The following EEF2K variants were observed in gnomAD, a reference collection of about 807,000 sequenced individuals.
EEF2K encodes the protein alternative protein EEF2K.
EEF2K carries 70 observed loss-of-function variants against 93.8 expected under a neutral mutation model. The observed-to-expected ratio is 0.75, with a 90% CI of 0.62 to 0.91. EEF2K has a LOEUF of 0.91. Among genes scored for constraint, EEF2K ranks in the 40% least tolerant of loss-of-function variants. The pLI is 0.00. For missense variants in EEF2K, 935 were observed against 972.9 expected (o/e 0.96, Z 0.52); for synonymous variants, 376 against 380.8 (o/e 0.99, Z 0.15).
At chr16:22,249,264 C>T (rs1011005637) in intron 4 of EEF2K, among the ~76,000 whole-genome samples, 3 of 150,914 alleles carry the variant, frequency 2.0e-5, no homozygotes, top group Non-Finnish European at 4.4e-5. Context: ...AGCCACCACA[C>T]CCGTCTCTAC....
intron 2 of EEF2K, among the ~76,000 whole-genome samples, chr16:22,241,636 CAAAAAAA>C (rs71151666): frequency 6.1e-5 from 3 of 49,188 alleles, no homozygotes; most frequent in Non-Finnish European, 1.1e-4. Flanking sequence ...GAGACTGTCT[CAAAAAAA>C]AAAAAAAAAA....
chr16:22,228,006 C>CTTTTTTTTTT (rs1051682997), intron 2 of EEF2K, among the ~76,000 whole-genome samples: 4 of 80,026 alleles, frequency 5.0e-5, no homozygotes, highest in Admixed American at 1.8e-4. Flanking sequence ...AAACCAAATT[C>CTTTTTTTTTT]TTTTTTTTTT....
At chr16:22,246,607 T>C (rs2047294508) in intron 3 of EEF2K, among the ~76,000 whole-genome samples, 1 of 140,818 alleles carries the variant, frequency 7.1e-6, no homozygotes, top group Non-Finnish European at 1.5e-5. Context: ...TAAAACAAAA[T>C]ATATATTTAC....
chr16:22,274,443 CA>C (rs755376945), intron 16 of EEF2K, among the ~76,000 whole-genome samples: 9,503 of 69,940 alleles, frequency 0.14, 289 homozygotes, highest in African/African-American at 0.18. Context: ...GATTCCCTCT[CA>C]AAAAAAAAAA....
intron 15 of EEF2K, among the ~76,000 whole-genome samples, chr16:22,268,339 C>G (rs2047544752): frequency 6.6e-6 from 1 of 151,792 alleles, no homozygotes; most frequent in Non-Finnish European, 1.5e-5. Context: ...CCACCGCACC[C>G]AGCTAATTTT....
intron 6 of EEF2K, among the ~76,000 whole-genome samples, chr16:22,252,219 C>T (rs746234157): frequency 3.9e-5 from 6 of 152,224 alleles, no homozygotes; most frequent in Admixed American, 2.0e-4. Context: ...CTGCTTAATC[C>T]GAAAAGGGAA....
chr16:22,213,654 A>G (rs1024422631), intron 1 of EEF2K, among the ~76,000 whole-genome samples: 1 of 152,236 alleles, frequency 6.6e-6, no homozygotes, highest in African/African-American at 2.4e-5. Context: ...TCTAGGTGTC[A>G]GCATGGCTGT....
rs756574846 is a variant in EEF2K, at chr16:22,248,820, G to A, written c.408+5G>A. On this transcript the variant is annotated splice_donor_5th_base_variant and intron_variant, in intron 4 of 17. Coordinates refer to ENST00000263026, the MANE Select transcript of EEF2K (RefSeq NM_013302.5). ...CTGATCAAGATGGCATCTCAGGTGA[G>A]CAGAGCGTTGAGCCCCGTGGGGACA... 16 of 1,613,788 alleles carry A rather than the reference G, an allele frequency of 9.9e-6. No individual in the cohort carries two copies. The Admixed American group carries it at 2.7e-4, about 27-fold the overall frequency.
intron 15 of EEF2K, among the ~76,000 whole-genome samples, chr16:22,271,203 C>T (rs1315859223): frequency 6.6e-6 from 1 of 151,836 alleles, no homozygotes; most frequent in African/African-American, 2.4e-5. Flanking sequence ...CTACTGACCT[C>T]AGGTGATCTG....
In EEF2K at chr16:22,256,819, C is replaced by T. The variant is rs2047405881; in HGVS notation, c.690C>T (p.His230=). The T allele has an allele frequency of 6.2e-7, 1 of 1,614,094 alleles. No homozygotes were observed. The highest frequency in any genetic ancestry group is 8.5e-7 in the Non-Finnish European group (1 of 1,180,050). Residue 230 remains histidine (H), a synonymous_variant, in exon 7 of 18, where the codon CAC becomes CAT. Coordinates refer to ENST00000263026, the MANE Select transcript of EEF2K (RefSeq NM_013302.5). ...GCAAGCCCCTCTTCCACCTGGAGCA[C>T]TACATCGAGGGCAAGTACATCAAGT... ...RPGKPLFHLE[H]YIEGKYIKYN...
rs144371572 is a variant in EEF2K at position 22,223,933 on chromosome 16, G to T, written c.-76-1721G>T. On this transcript the variant is annotated intron_variant, in intron 1 of 17. Coordinates refer to ENST00000263026, the MANE Select transcript of EEF2K (RefSeq NM_013302.5). Reference sequence around the variant, plus strand: ...TACAGAAAGTGCTTTTAGGCCAGGCGTGGTGGCTCACATCTGTAATCCCAG... The same window carrying T: ...TACAGAAAGTGCTTTTAGGCCAGGCTTGGTGGCTCACATCTGTAATCCCAG... 3.6e-3 allele frequency among the ~76,000 whole-genome samples: 550 copies of T among 152,226 alleles called. 1 individual carries two copies. The highest frequency in any genetic ancestry group is 0.012 in the South Asian group (58 of 4,808).
intron 15 of EEF2K, among the ~76,000 whole-genome samples, chr16:22,271,060 C>T (rs995353786): frequency 6.6e-6 from 1 of 151,416 alleles, no homozygotes; most frequent in Admixed American, 6.6e-5. Context: ...ACCTCCGCCT[C>T]CCAGGTTCAA....
intron 1 of EEF2K, among the ~76,000 whole-genome samples, chr16:22,216,723 G>C (rs79386260): frequency 0.012 from 1,790 of 152,136 alleles, 40 homozygotes; most frequent in African/African-American, 0.041. Context: ...GCAAGATGCC[G>C]TCTGTAATAA....
At chr16:22,225,115 CCCA>C (rs2047050095) in intron 1 of EEF2K, among the ~76,000 whole-genome samples, 1 of 152,066 alleles carries the variant, frequency 6.6e-6, no homozygotes, top group Admixed American at 6.6e-5. Context: ...TGAGAAAGAA[CCCA>C]CTGTTAGAAA....
chr16:22,265,263 A>C (rs1441761467), intron 13 of EEF2K: 3 of 183,234 alleles, frequency 1.6e-5, no homozygotes, highest in Admixed American at 1.1e-4. Context: ...GCTCTTAAGC[A>C]ACTTTCCCCA....
rs565942840 is a variant in EEF2K at position 22,209,852 on chromosome 16, G to C, written c.-77+3173G>C. Among the ~76,000 whole-genome samples the C allele has an allele frequency of 5.3e-5, 8 of 152,314 alleles. No individual in the cohort carries two copies. In the East Asian group the frequency reaches 1.5e-3, roughly 29 times the overall value. On this transcript the variant is annotated intron_variant, in intron 1 of 17. Coordinates refer to ENST00000263026, the MANE Select transcript of EEF2K (RefSeq NM_013302.5). ...CTGTCACCCAGGCTGCGGTGCAGTG[G>C]CACAGTCACAGCTCACTGCAGCCTG...
intron 6 of EEF2K, among the ~76,000 whole-genome samples, chr16:22,254,155 G>A (rs1309593348): frequency 6.6e-6 from 1 of 151,510 alleles, no homozygotes; most frequent in Non-Finnish European, 1.5e-5. Flanking sequence ...TAATAATGTG[G>A]TTGACTTAAG....
chr16:22,246,204 T>C (rs2047289385), intron 3 of EEF2K, among the ~76,000 whole-genome samples: 1 of 152,016 alleles, frequency 6.6e-6, no homozygotes, highest in African/African-American at 2.4e-5. Flanking sequence ...TATTTACTGG[T>C]TTATTATAAA....
chr16:22,219,490 A>G (rs1256235095), intron 1 of EEF2K, among the ~76,000 whole-genome samples: 1 of 152,160 alleles, frequency 6.6e-6, no homozygotes, highest in African/African-American at 2.4e-5. Context: ...TTAGGTGGGC[A>G]TAGTGACACA....
Sources: gnomAD v4.1 joint callset for allele counts (sites outside exome capture counted in the v4.1 genomes callset) on GRCh38, gnomAD v4.1.1 for gene constraint, MANE v1.5 for transcripts, NCBI Gene and HGNC (gene_info 2026-07-23, HGNC 2026-07-21) for gene names.